Variants in HDAC9 observed in about 807,000 individuals in gnomAD.
The protein encoded by HDAC9 is histone deacetylase 9, also known as MEF-2 interacting transcription repressor (MITR) protein.
In HDAC9, 41 loss-of-function variants were observed where a neutral mutation model predicts 139.4. That is an observed-to-expected ratio of 0.29 (90% CI 0.23 to 0.38). HDAC9 has a LOEUF of 0.38. Ranked by LOEUF, HDAC9 falls within the 10% of genes least tolerant of loss-of-function variation. The pLI is 1.00. For synonymous variants in HDAC9, 517 were observed against 476.2 expected (o/e 1.09, Z -1.12); for missense variants, 1,147 against 1,297.0 (o/e 0.88, Z 1.78).
chr7:18,320,199 T>G (rs1283192043), intron 1 of HDAC9, among the ~76,000 whole-genome samples: 2 of 152,214 alleles, frequency 1.3e-5, no homozygotes. Context: ...ATTAACTTCC[T>G]TTTATCTGCT....
chr7:18,645,454 A>G (rs1787070151), intron 9 of HDAC9, among the ~76,000 whole-genome samples: 1 of 152,150 alleles, frequency 6.6e-6, no homozygotes, highest in South Asian at 2.1e-4. Flanking sequence ...ATACTGTTAC[A>G]TGAAGGCCTA....
At chr7:18,185,890 G>A (rs1789873074) in intron 2 of HDAC9, among the ~76,000 whole-genome samples, 1 of 152,102 alleles carries the variant, frequency 6.6e-6, no homozygotes, top group South Asian at 2.1e-4. Flanking sequence ...GTCACTTCGT[G>A]CAAAGTATCT....
At chr7:18,191,455 TC>T (rs1790345100) in intron 2 of HDAC9, among the ~76,000 whole-genome samples, 1 of 152,194 alleles carries the variant, frequency 6.6e-6, no homozygotes, top group Admixed American at 6.5e-5. Flanking sequence ...GTTTCTCAAT[TC>T]CTGAGAGAAT....
intron 24 of HDAC9, 151 bp from the exon 25 acceptor site, chr7:18,975,655 C>T (rs1784504031): frequency 2.9e-6 from 2 of 695,046 alleles, no homozygotes; most frequent in African/African-American, 3.6e-5. Context: ...AGAAAAAGAC[C>T]CAATCATAAC....
At chr7:18,853,396 A>T (rs1797446681) in intron 21 of HDAC9, among the ~76,000 whole-genome samples, 1 of 152,170 alleles carries the variant, frequency 6.6e-6, no homozygotes, top group African/African-American at 2.4e-5. Context: ...TCTGAAAAGA[A>T]AGTTTTTAAA....
At chr7:18,194,815 T>C (rs1479094783) in intron 2 of HDAC9, among the ~76,000 whole-genome samples, 1 of 152,210 alleles carries the variant, frequency 6.6e-6, no homozygotes, top group African/African-American at 2.4e-5. Flanking sequence ...GTTTGATGTT[T>C]TCCTTGCTTG....
chr7:18,636,953 G>A (rs1479004285), intron 8 of HDAC9, among the ~76,000 whole-genome samples: 8 of 151,920 alleles, frequency 5.3e-5, no homozygotes, highest in Non-Finnish European at 1.2e-4. Flanking sequence ...TGCAAAAACA[G>A]CAAAGGATCT....
rs567773551 is a variant in HDAC9 at position 18,233,308 on chromosome 7, T to C, written c.25+70959T>C. ...TTACACCTTTACTCATTATTTTTCA[T>C]TTTTGAGGACTTAAATAGAAGAGAC... On this transcript the variant is annotated intron_variant, in intron 2 of 12. Coordinates refer to the HDAC9 transcript ENST00000417496. 2.2e-4 allele frequency among the ~76,000 whole-genome samples: 33 copies of C among 152,196 alleles called. No individual in the cohort carries two copies. The East Asian group carries it at 6.4e-3, about 29-fold the overall frequency.
chr7:18,510,711 A>T (rs895567078), intron 2 of HDAC9, among the ~76,000 whole-genome samples: 2 of 152,170 alleles, frequency 1.3e-5, no homozygotes, highest in African/African-American at 4.8e-5. Context: ...TAATTTGAAA[A>T]ATTATCTAAA....
chr7:18,412,165 G>T (rs1020879792), intron 1 of HDAC9, among the ~76,000 whole-genome samples: 2 of 152,028 alleles, frequency 1.3e-5, no homozygotes, highest in Non-Finnish European at 2.9e-5. Context: ...TGGGCTTATA[G>T]GGTTATAACC....
intron 2 of HDAC9, among the ~76,000 whole-genome samples, chr7:18,216,152 G>C (rs1357791334): frequency 6.6e-6 from 1 of 151,726 alleles, no homozygotes; most frequent in Admixed American, 6.6e-5. Context: ...GAGAGAGACA[G>C]AGAGAGTTTG....
chr7:18,568,028 A>ATG lies in HDAC9; in HGVS notation c.23-17252_23-17251insGT, dbSNP rs940458086. 1.6e-3 allele frequency among the ~76,000 whole-genome samples: 19 copies of ATG among 11,654 alleles called. 1 individual carries two copies. The highest frequency in any genetic ancestry group is 4.5e-3 in the Non-Finnish European group (17 of 3,810). 7.6% of individuals were successfully genotyped at this position (11,654 alleles called of 152,430 possible). ...ATACATACAGGATATATGTATATGT[A>ATG]TATATATATATATATATATATATAT... On this transcript the variant is annotated intron_variant, in intron 2 of 25. Coordinates refer to ENST00000686413, the MANE Select transcript of HDAC9 (RefSeq NM_178425.4).
intron 1 of HDAC9, among the ~76,000 whole-genome samples, chr7:18,296,700 T>G (rs926933166): frequency 2.6e-5 from 4 of 152,150 alleles, no homozygotes; most frequent in African/African-American, 7.2e-5. Flanking sequence ...TAAAACAAAC[T>G]CAATGGCTAT....
intron 6 of HDAC9, among the ~76,000 whole-genome samples, chr7:18,628,842 A>G (rs568964526): frequency 6.6e-6 from 1 of 152,230 alleles, no homozygotes; most frequent in South Asian, 2.1e-4. Context: ...AACTACTGAC[A>G]AAGAAATATT....
chr7:18,703,262 A>G (rs1190304671), intron 12 of HDAC9, among the ~76,000 whole-genome samples: 1 of 152,190 alleles, frequency 6.6e-6, no homozygotes, highest in East Asian at 1.9e-4. Flanking sequence ...GCTCAAAGGA[A>G]ACAAAAAAAT....
chr7:18,485,391 C>T (rs1795898529), intron 1 of HDAC9, among the ~76,000 whole-genome samples: 1 of 151,562 alleles, frequency 6.6e-6, no homozygotes, highest in African/African-American at 2.4e-5. Context: ...TAGCAGCCTA[C>T]AGAGTGATAT....
chr7:18,397,549 C>T (rs1201915423), intron 1 of HDAC9, among the ~76,000 whole-genome samples: 4 of 152,132 alleles, frequency 2.6e-5, no homozygotes, highest in African/African-American at 9.7e-5. Context: ...TTTAGCTTCC[C>T]ATCCTCCCAG....
chr7:18,866,348 A>G (rs1798495743), intron 21 of HDAC9, among the ~76,000 whole-genome samples: 2 of 152,014 alleles, frequency 1.3e-5, no homozygotes, highest in African/African-American at 2.4e-5. Flanking sequence ...GTTTATTTAT[A>G]TAGTGTCTTG....
intron 2 of HDAC9, among the ~76,000 whole-genome samples, chr7:18,582,953 T>C (rs571449998): frequency 5.9e-5 from 9 of 152,304 alleles, no homozygotes; most frequent in African/African-American, 1.7e-4. Context: ...GTGGGTCATA[T>C]ATATGATAAT....
Sources: gnomAD v4.1 joint callset for allele counts (sites outside exome capture counted in the v4.1 genomes callset) on GRCh38, gnomAD v4.1.1 for gene constraint, MANE v1.5 for transcripts, NCBI Gene and HGNC (gene_info 2026-07-23, HGNC 2026-07-21) for gene names.